The following CCND3 variants were observed in gnomAD, a reference collection of about 807,000 sequenced individuals.
CCND3 encodes the protein G1/S-specific cyclin-D3.
Under a neutral mutation model 28.7 loss-of-function variants are expected in CCND3, and 9 were observed. The observed-to-expected ratio is 0.31, with a 90% CI of 0.19 to 0.55. The LOEUF (loss-of-function observed/expected upper bound fraction) is 0.55, where lower values mean the gene tolerates loss of function less well. Among genes scored for constraint, CCND3 ranks in the 20% least tolerant of loss-of-function variants. The pLI, the probability that CCND3 is intolerant of heterozygous loss-of-function variation, is 0.93. For synonymous variants in CCND3, 164 were observed against 163.9 expected, an observed-to-expected ratio of 1.00 and a Z score of 0.00; for missense variants, 315 against 385.8, an observed-to-expected ratio of 0.82 and a Z score of 1.54.
intron 1 of CCND3, among the ~76,000 whole-genome samples, chr6:41,973,107 T>G (rs1762079495): frequency 6.6e-6 from 1 of 152,082 alleles, no homozygotes; most frequent in Non-Finnish European, 1.5e-5. Flanking sequence ...AAGGGGGAAT[T>G]ACAGTTATTT....
chr6:42,040,559 A>T (rs1162289840), intron 1 of CCND3, among the ~76,000 whole-genome samples: 1 of 151,414 alleles, frequency 6.6e-6, no homozygotes, highest in African/African-American at 2.4e-5. Flanking sequence ...TTATCTGCAA[A>T]ATAAAAAACC....
chr6:42,006,663 C>T (rs1763183259), intron 1 of CCND3, among the ~76,000 whole-genome samples: 1 of 152,134 alleles, frequency 6.6e-6, no homozygotes, highest in African/African-American at 2.4e-5. Context: ...AATCCCAGCA[C>T]TTTGGGAGGC....
chr6:41,985,392 C>T (rs1036873677), intron 1 of CCND3, among the ~76,000 whole-genome samples: 1 of 135,240 alleles, frequency 7.4e-6, no homozygotes, highest in Non-Finnish European at 1.5e-5. Context: ...CAGCTCACTG[C>T]AACCTCCGCC....
At chr6:41,942,116 TATTC>T (rs1776055594), upstream of CCND3, among the ~76,000 whole-genome samples, 1 of 152,222 alleles carries the variant, frequency 6.6e-6, no homozygotes, top group African/African-American at 2.4e-5. Context: ...TTCATTCACT[TATTC>T]ATTCGTCAAA....
upstream of CCND3, among the ~76,000 whole-genome samples, chr6:41,944,508 G>A (rs1181596747): frequency 2.0e-5 from 3 of 151,734 alleles, no homozygotes; most frequent in Non-Finnish European, 4.4e-5. Flanking sequence ...TGCAACCTCT[G>A]CCTCCTGGTT....
Position 41,936,118 on chromosome 6 carries a change from G to T in CCND3, c.712-11C>A. The T allele has an allele frequency of 6.4e-7, 1 of 1,565,942 alleles. No individual in the cohort carries two copies. On this transcript the variant is annotated splice_polypyrimidine_tract_variant and intron_variant, in intron 4 of 4. Transcript: ENST00000372991. This position sits in a 1 kb window ranked among gnomAD's most constrained non-coding sequence, Gnocchi z 4.4. ...GGCCCGCAGGCAGTCCTGGGAACAT[G>T]GGAGAAGAGTGAGGAGCAAACACTC...
intron 1 of CCND3, among the ~76,000 whole-genome samples, chr6:42,005,430 C>A (rs535503025): frequency 2.4e-3 from 351 of 149,326 alleles, no homozygotes; most frequent in Non-Finnish European, 4.2e-3. Context: ...TAGTCCTAGC[C>A]ACTTGGAGGC....
chr6:41,958,509 C>G (rs1776494526), intron 1 of CCND3, among the ~76,000 whole-genome samples: 1 of 152,124 alleles, frequency 6.6e-6, no homozygotes, highest in Admixed American at 6.6e-5. Flanking sequence ...TACCTGGGGC[C>G]ACAAACAATA....
intron 1 of CCND3, among the ~76,000 whole-genome samples, chr6:41,992,694 G>A (rs1762690299): frequency 6.6e-6 from 1 of 151,246 alleles, no homozygotes; most frequent in African/African-American, 2.4e-5. Context: ...TGATACACTG[G>A]TCTCGGCCTC....
At chr6:42,029,211 G>A (rs552098671) in intron 1 of CCND3, among the ~76,000 whole-genome samples, 1 of 150,968 alleles carries the variant, frequency 6.6e-6, no homozygotes, top group Non-Finnish European at 1.5e-5. Flanking sequence ...GGCTGGTCTC[G>A]AGTTCCTGGC....
In CCND3 at chr6:41,998,684, A is replaced by T. The variant is rs9462761; in HGVS notation, c.-46+49817T>A. 4.3e-3 allele frequency among the ~76,000 whole-genome samples: 596 copies of T among 138,986 alleles called. 2 individuals carry two copies. The highest frequency in any genetic ancestry group is 0.015 in the African/African-American group (565 of 37,844). The allele number at this position is 138,986 out of a possible 152,430, so 91.2% of individuals were successfully genotyped here. On this transcript the variant is annotated intron_variant, in intron 1 of 4. Coordinates refer to the CCND3 transcript ENST00000372988. ...GCCAGTCCCTGGTCTATGCATTATT[A>T]TTTTTTTTTTTTGAGACAGAGTTTC...
At chr6:42,047,336 G>T (rs993763455) in intron 1 of CCND3, among the ~76,000 whole-genome samples, 1 of 152,222 alleles carries the variant, frequency 6.6e-6, no homozygotes, top group African/African-American at 2.4e-5. Context: ...GCAAATAGGT[G>T]CTGAATGAAT....
At chr6:42,015,471 G>A (rs1288527020) in intron 1 of CCND3, among the ~76,000 whole-genome samples, 4 of 152,278 alleles carry the variant, frequency 2.6e-5, no homozygotes, top group African/African-American at 9.6e-5. Context: ...AGCACTTTGG[G>A]AAGCCAAGGT....
chr6:41,972,425 A>G (rs963209735), intron 1 of CCND3, among the ~76,000 whole-genome samples: 4 of 152,056 alleles, frequency 2.6e-5, no homozygotes, highest in Non-Finnish European at 5.9e-5. Flanking sequence ...TGCAAAGAAT[A>G]TGTGGTGGTA....
At chr6:41,960,290 GA>G (rs1761684954) in intron 1 of CCND3, among the ~76,000 whole-genome samples, 1 of 152,182 alleles carries the variant, frequency 6.6e-6, no homozygotes, top group African/African-American at 2.4e-5. Flanking sequence ...TGGGGAGGAT[GA>G]AAATGTTCTA....
At chr6:42,038,847 T>C (rs562526898) in intron 1 of CCND3, among the ~76,000 whole-genome samples, 2 of 152,204 alleles carry the variant, frequency 1.3e-5, no homozygotes, top group Non-Finnish European at 2.9e-5. Flanking sequence ...TCTCCTCAAA[T>C]GGCACCTTTG....
At chr6:41,988,829 GC>G (rs1287066850) in intron 1 of CCND3, among the ~76,000 whole-genome samples, 3 of 149,990 alleles carry the variant, frequency 2.0e-5, no homozygotes, top group Non-Finnish European at 4.4e-5. Context: ...CTCCCGAATA[GC>G]TGGGACTACA....
At chr6:42,001,433 G>A (rs1763007935) in intron 1 of CCND3, among the ~76,000 whole-genome samples, 1 of 139,022 alleles carries the variant, frequency 7.2e-6, no homozygotes, top group Non-Finnish European at 1.5e-5. Context: ...CAATAAAAAG[G>A]AACAGGTTGC....
chr6:41,985,281 C>T (rs1762453392), intron 1 of CCND3, among the ~76,000 whole-genome samples: 1 of 141,622 alleles, frequency 7.1e-6, no homozygotes, highest in African/African-American at 2.6e-5. Context: ...AGTAGTTTTA[C>T]AGTTTCAGGT....
Sources: gnomAD v4.1 joint callset for allele counts (sites outside exome capture counted in the v4.1 genomes callset) on GRCh38, gnomAD v4.1.1 for gene constraint, Gnocchi (gnomAD v3.1) non-coding constraint, MANE v1.5 for transcripts, NCBI Gene and HGNC (gene_info 2026-07-23, HGNC 2026-07-21) for gene names.